ROBO2: variants seen among roughly 807,000 people sequenced by gnomAD.
The protein encoded by ROBO2 is roundabout homolog 2.
ROBO2 carries 53 observed loss-of-function variants against 160.8 expected under a neutral mutation model. The ratio of observed to expected loss-of-function variants is 0.33; its 90% CI spans 0.26 to 0.41. The LOEUF (loss-of-function observed/expected upper bound fraction) is 0.41, where lower values mean the gene tolerates loss of function less well. ROBO2 is among the 10% of genes least tolerant of loss of function. ROBO2 has a pLI of 1.00. For synonymous variants in ROBO2, 664 were observed against 611.7 expected, an observed-to-expected ratio of 1.09 and a Z score of -1.26; for missense variants, 1,577 against 1,722.4, an observed-to-expected ratio of 0.92 and a Z score of 1.49.
intron 2 of ROBO2, among the ~76,000 whole-genome samples, chr3:77,169,098 T>C (rs767894084): frequency 1.3e-5 from 2 of 152,194 alleles, no homozygotes; most frequent in South Asian, 4.1e-4. Flanking sequence ...TCCACACGTA[T>C]GCAAATGGAA....
At chr3:76,788,687 T>C (rs979724694) in intron 2 of ROBO2, among the ~76,000 whole-genome samples, 3 of 151,582 alleles carry the variant, frequency 2.0e-5, no homozygotes, top group Non-Finnish European at 4.4e-5. Flanking sequence ...GGAATATCTA[T>C]ACAGTAGAAA....
intron 2 of ROBO2, among the ~76,000 whole-genome samples, chr3:76,882,586 T>C (rs981516044): frequency 2.6e-5 from 4 of 152,148 alleles, no homozygotes; most frequent in African/African-American, 7.2e-5. Context: ...CTGTGTTTCT[T>C]AGCATACTCA....
chr3:77,599,027 C>T (rs920001565), intron 19 of ROBO2, among the ~76,000 whole-genome samples: 1 of 152,094 alleles, frequency 6.6e-6, no homozygotes, highest in Non-Finnish European at 1.5e-5. Context: ...AAAGGGTACA[C>T]CTGGAGATTT....
chr3:76,820,930 A>G (rs2109128508), intron 2 of ROBO2, among the ~76,000 whole-genome samples: 1 of 152,106 alleles, frequency 6.6e-6, no homozygotes, highest in Admixed American at 6.6e-5. Context: ...GTGACAGAAT[A>G]TGTTGATGAA....
chr3:77,532,327 T>C (rs1333582584), intron 6 of ROBO2, among the ~76,000 whole-genome samples: 2 of 152,112 alleles, frequency 1.3e-5, no homozygotes, highest in Admixed American at 6.6e-5. Context: ...GGCTGGGATT[T>C]TCTTTTACCA....
intron 2 of ROBO2, among the ~76,000 whole-genome samples, chr3:76,068,353 G>T (rs1367984799): frequency 2.0e-5 from 3 of 152,148 alleles, no homozygotes; most frequent in Non-Finnish European, 4.4e-5. Context: ...CTTTGAATGA[G>T]ATGGAAAGCC....
intron 2 of ROBO2, among the ~76,000 whole-genome samples, chr3:76,926,081 T>G (rs2076973061): frequency 6.6e-6 from 1 of 152,188 alleles, no homozygotes; most frequent in Non-Finnish European, 1.5e-5. Flanking sequence ...CTGGGAATTT[T>G]GGGTTTTTCT....
At chr3:77,135,352 A>G (rs961464721) in intron 2 of ROBO2, among the ~76,000 whole-genome samples, 3 of 152,108 alleles carry the variant, frequency 2.0e-5, no homozygotes, top group African/African-American at 7.2e-5. Context: ...TCTTATTGTG[A>G]TCTCTGTAAT....
At chr3:76,831,170 G>A (rs1372567107) in intron 2 of ROBO2, among the ~76,000 whole-genome samples, 11 of 152,032 alleles carry the variant, frequency 7.2e-5, no homozygotes, top group Non-Finnish European at 1.5e-4. Flanking sequence ...CAGAGATAAC[G>A]TTGTACATCT....
chr3:76,217,825 A>G (rs1178933152), intron 2 of ROBO2, among the ~76,000 whole-genome samples: 1 of 152,218 alleles, frequency 6.6e-6, no homozygotes, highest in Non-Finnish European at 1.5e-5. Context: ...GGCCAGCATC[A>G]TCCTGATGCC....
intron 2 of ROBO2, among the ~76,000 whole-genome samples, chr3:77,215,242 C>T (rs2084769856): frequency 6.6e-6 from 1 of 152,166 alleles, no homozygotes; most frequent in East Asian, 1.9e-4. Context: ...TTGGTCTTTT[C>T]ACATAGTCCC....
At chr3:76,067,887 T>C (rs1431210373) in intron 2 of ROBO2, among the ~76,000 whole-genome samples, 1 of 152,188 alleles carries the variant, frequency 6.6e-6, no homozygotes, top group East Asian at 1.9e-4. Context: ...ATGTAATATG[T>C]GATAGATAGT....
intron 2 of ROBO2, among the ~76,000 whole-genome samples, chr3:77,409,103 G>GTATA (rs57350639): frequency 0.25 from 31,995 of 129,380 alleles, 3,630 homozygotes; most frequent in Non-Finnish European, 0.29. Context: ...ATATATATAT[G>GTATA]TATATATATA....
At chr3:76,954,478 C>G (rs372561665) in intron 2 of ROBO2, among the ~76,000 whole-genome samples, 1 of 152,142 alleles carries the variant, frequency 6.6e-6, no homozygotes, top group Non-Finnish European at 1.5e-5. Context: ...ATATATTTCT[C>G]GCATTACTTC....
At chr3:76,081,587 A>G (rs995243283) in intron 2 of ROBO2, among the ~76,000 whole-genome samples, 11 of 152,266 alleles carry the variant, frequency 7.2e-5, no homozygotes, top group African/African-American at 2.2e-4. Flanking sequence ...AATGAATTCA[A>G]CACTTTAGAT....
intron 2 of ROBO2, among the ~76,000 whole-genome samples, chr3:76,478,900 G>A (rs1306119574): frequency 6.6e-6 from 1 of 151,782 alleles, no homozygotes. Context: ...TGGCCTCAAG[G>A]GATCCTTCTG....
intron 2 of ROBO2, among the ~76,000 whole-genome samples, chr3:76,787,328 C>CCACACAGACA (rs2063050950): frequency 7.0e-6 from 1 of 142,170 alleles, no homozygotes; most frequent in South Asian, 2.3e-4. Flanking sequence ...TGTAAACACA[C>CCACACAGACA]CACACACACA....
Position 76,010,457 on chromosome 3 carries a change from C to G in ROBO2, c.109+72855C>G, listed in dbSNP as rs72890360. Among the ~76,000 whole-genome samples, 1,077 of 152,302 alleles carry G rather than the reference C, an allele frequency of 7.1e-3. 14 individuals are homozygous for G. Among genetic ancestry groups the G allele is most frequent in the African/African-American group, 0.024 (1,018 of 41,560 alleles). ...ATTGCTGCCAACTTCCTGTCACTGT[C>G]CCAGAGGTTTAGAGTTAGCATTCAT... On this transcript the variant is annotated intron_variant, in intron 2 of 26. Transcript: ENST00000487694.
At chr3:76,413,711 A>G (rs781119148) in intron 2 of ROBO2, among the ~76,000 whole-genome samples, 6 of 152,152 alleles carry the variant, frequency 3.9e-5, no homozygotes, top group Non-Finnish European at 7.4e-5. Flanking sequence ...CATTTTGGGT[A>G]AAGCCATTCA....
Sources: allele counts gnomAD v4.1 joint callset (sites outside exome capture counted in the v4.1 genomes callset), GRCh38; gene constraint gnomAD v4.1.1; transcripts MANE v1.5; gene names NCBI Gene and HGNC (gene_info 2026-07-23, HGNC 2026-07-21).